Variants in KCNT2 observed in about 807,000 individuals in gnomAD.
The protein encoded by KCNT2 is potassium channel subfamily T member 2.
In KCNT2, 67 loss-of-function variants were observed where a neutral mutation model predicts 153.8. The ratio of observed to expected loss-of-function variants is 0.44; its 90% CI spans 0.36 to 0.53. The LOEUF is 0.53. KCNT2 is among the 20% of genes least tolerant of loss of function. KCNT2 has a pLI of 0.00. For synonymous variants in KCNT2, 500 were observed against 458.8 expected, an observed-to-expected ratio of 1.09 and a Z score of -1.15; for missense variants, 975 against 1,354.8, an observed-to-expected ratio of 0.72 and a Z score of 4.40.
intron 1 of KCNT2, among the ~76,000 whole-genome samples, chr1:196,511,027 A>G (rs1047448291): frequency 6.6e-6 from 1 of 152,012 alleles, no homozygotes; most frequent in Non-Finnish European, 1.5e-5. Flanking sequence ...AATATAGTAG[A>G]CCAGATGTCC....
At chr1:196,390,890 C>CTTTT (rs61134739) in intron 13 of KCNT2, among the ~76,000 whole-genome samples, 5 of 124,382 alleles carry the variant, frequency 4.0e-5, no homozygotes, top group African/African-American at 8.9e-5. Flanking sequence ...CTCATTCATT[C>CTTTT]TTTTTTTTTT....
chr1:196,426,478 C>G (rs1341040586), intron 10 of KCNT2, among the ~76,000 whole-genome samples: 1 of 151,644 alleles, frequency 6.6e-6, no homozygotes, highest in Non-Finnish European at 1.5e-5. Context: ...GAATAAGGAT[C>G]CATAAAAACA....
chr1:196,253,703 G>A (rs1300221197), intron 26 of KCNT2, among the ~76,000 whole-genome samples: 1 of 151,412 alleles, frequency 6.6e-6, no homozygotes, highest in Non-Finnish European at 1.5e-5. Flanking sequence ...CATAAATGAT[G>A]GTCAAAATCA....
At chr1:196,525,995 A>C (rs7512647) in intron 1 of KCNT2, among the ~76,000 whole-genome samples, 1 of 151,642 alleles carries the variant, frequency 6.6e-6, no homozygotes, top group East Asian at 1.9e-4. Context: ...CATAAATAGC[A>C]CAAATAATGA....
At chr1:196,459,883 C>T (rs1357104965) in intron 8 of KCNT2, among the ~76,000 whole-genome samples, 3 of 151,792 alleles carry the variant, frequency 2.0e-5, no homozygotes, top group Non-Finnish European at 4.4e-5. Flanking sequence ...CCCCTTAAAA[C>T]TTGCTTCAGG....
At chr1:196,293,869 A>G (rs575668740) in intron 22 of KCNT2, among the ~76,000 whole-genome samples, 251 of 150,726 alleles carry the variant, frequency 1.7e-3, no homozygotes, top group Non-Finnish European at 2.7e-3. Flanking sequence ...CAAAAAAAAA[A>G]AAAACAAAAA....
intron 13 of KCNT2, among the ~76,000 whole-genome samples, chr1:196,392,425 A>C (rs541246202): frequency 6.6e-6 from 1 of 151,606 alleles, no homozygotes; most frequent in South Asian, 2.1e-4. Context: ...TTTTGAAAAT[A>C]TAACAACTCT....
At chr1:196,353,376 A>G (rs2148229310) in intron 14 of KCNT2, among the ~76,000 whole-genome samples, 1 of 151,870 alleles carries the variant, frequency 6.6e-6, no homozygotes, top group African/African-American at 2.4e-5. Context: ...ATCTCTTTTT[A>G]TAGAAGGGTA....
At position 196,398,553 on chromosome 1, in the gene KCNT2, A is replaced by T. The variant is rs1477975627; in HGVS notation, c.1294+10T>A. 2 of 1,493,070 alleles carry T rather than the reference A, an allele frequency of 1.3e-6. No homozygotes were observed. Among genetic ancestry groups the T allele is most frequent in the Non-Finnish European group, 1.9e-6 (2 of 1,072,576 alleles). The allele number at this position is 1,493,070 out of a possible 1,614,324, so 92.5% of individuals were successfully genotyped here. A position where few individuals can be genotyped will look rare whatever the true frequency, so the allele number is the denominator to read the frequency against. ...AAATTCAATGGATCTCATGCAAGAT[A>T]AAAACTTACCAGCAAATTTGATGTG... On this transcript the variant is annotated intron_variant, in intron 13 of 27. Coordinates refer to ENST00000294725, the MANE Select transcript of KCNT2 (RefSeq NM_198503.5).
intron 1 of KCNT2, among the ~76,000 whole-genome samples, chr1:196,539,609 G>A (rs949010509): frequency 5.3e-5 from 8 of 151,964 alleles, no homozygotes; most frequent in Non-Finnish European, 1.2e-4. Flanking sequence ...TAAACTACTA[G>A]TCTAAAAAAG....
intron 1 of KCNT2, among the ~76,000 whole-genome samples, chr1:196,588,651 G>A (rs930650352): frequency 2.0e-5 from 3 of 151,860 alleles, no homozygotes; most frequent in African/African-American, 7.2e-5. Flanking sequence ...AGTATACCCA[G>A]AAAGTAAAAA....
chr1:196,418,849 C>T (rs936719546), intron 12 of KCNT2, among the ~76,000 whole-genome samples: 11 of 152,124 alleles, frequency 7.2e-5, no homozygotes, highest in African/African-American at 2.7e-4. Context: ...CAATCCAAAA[C>T]CCCTGCCCAG....
chr1:196,424,160 A>G (rs1028037971), intron 11 of KCNT2, among the ~76,000 whole-genome samples: 11 of 151,794 alleles, frequency 7.2e-5, no homozygotes, highest in Non-Finnish European at 1.3e-4. Context: ...TCTTGTAAAT[A>G]TGGTCGCTTT....
chr1:196,356,793 T>C (rs918439773), intron 14 of KCNT2, among the ~76,000 whole-genome samples: 7 of 151,824 alleles, frequency 4.6e-5, no homozygotes, highest in Non-Finnish European at 8.8e-5. Context: ...AGGCCAGATA[T>C]AGGATATAAG....
chr1:196,294,565 C>A (rs1214715640), intron 22 of KCNT2, among the ~76,000 whole-genome samples: 8 of 152,062 alleles, frequency 5.3e-5, no homozygotes, highest in Non-Finnish European at 1.2e-4. Context: ...TGAGCCACTG[C>A]GCCCGGCCAA....
chr1:196,300,639 T>C lies in KCNT2; in HGVS notation c.2595+4595A>G, dbSNP rs773748283. Among the ~76,000 whole-genome samples the C allele has an allele frequency of 7.7e-4, 117 of 152,262 alleles. 1 individual carries two copies. Among genetic ancestry groups the C allele is most frequent in the South Asian group, 2.1e-3 (10 of 4,818 alleles). On this transcript the variant is annotated intron_variant, in intron 22 of 27. Coordinates refer to ENST00000294725, the MANE Select transcript of KCNT2 (RefSeq NM_198503.5). The stretch of plus-strand genomic sequence containing the variant: ...ATTTATTACCATGATACCCCCTTTG[T>C]CCAATAATAATTCTGTACAGCTGTC...
At chr1:196,347,611 A>T (rs1408381617) in intron 14 of KCNT2, among the ~76,000 whole-genome samples, 1 of 152,176 alleles carries the variant, frequency 6.6e-6, no homozygotes, top group Non-Finnish European at 1.5e-5. Flanking sequence ...TGAAAATGCT[A>T]AAGGGCTTCC....
chr1:196,384,779 A>T (rs1286527580), intron 13 of KCNT2, among the ~76,000 whole-genome samples: 4 of 152,038 alleles, frequency 2.6e-5, no homozygotes, highest in Non-Finnish European at 5.9e-5. Flanking sequence ...ATTATTTAAA[A>T]AAATAAATAA....
chr1:196,255,547 A>G (rs995003022), intron 26 of KCNT2, among the ~76,000 whole-genome samples: 1 of 151,864 alleles, frequency 6.6e-6, no homozygotes, highest in African/African-American at 2.4e-5. Context: ...TTTAGAAAAT[A>G]TTACTGAGCA....
Sources: allele counts gnomAD v4.1 joint callset (sites outside exome capture counted in the v4.1 genomes callset), GRCh38; gene constraint gnomAD v4.1.1; transcripts MANE v1.5; gene names NCBI Gene and HGNC (gene_info 2026-07-23, HGNC 2026-07-21).